Variants in FBXL13 observed in about 807,000 individuals in gnomAD.
The protein encoded by FBXL13 is F-box and leucine-rich repeat protein 13.
In FBXL13, 67 loss-of-function variants were observed where a neutral mutation model predicts 83.6. That is an observed-to-expected ratio of 0.80 (90% confidence interval 0.66 to 0.98). The LOEUF is 0.98. Among genes scored for constraint, FBXL13 ranks in the 50% least tolerant of loss-of-function variants. FBXL13 has a pLI of 0.00. For missense variants in FBXL13, 822 were observed against 866.5 expected, an observed-to-expected ratio of 0.95 and a Z score of 0.64; for synonymous variants, 272 against 299.5, an observed-to-expected ratio of 0.91 and a Z score of 0.95.
intron 5 of FBXL13, among the ~76,000 whole-genome samples, chr7:103,025,605 T>A (rs141956911): frequency 0.011 from 1,675 of 152,252 alleles, 35 homozygotes; most frequent in African/African-American, 0.039. Flanking sequence ...GGGAAGTCAG[T>A]AGTAATGCAT....
intron 8 of FBXL13, among the ~76,000 whole-genome samples, chr7:102,948,110 C>CAGGAGTGCAAT (rs1822821910): frequency 6.7e-6 from 1 of 150,366 alleles, no homozygotes. Context: ...GTCACCCAGG[C>CAGGAGTGCAAT]AGGAGTGCAA....
At chr7:103,027,286 A>G (rs965562510) in intron 5 of FBXL13, among the ~76,000 whole-genome samples, 163 bp downstream of exon 6, 6 of 152,140 alleles carry the variant, frequency 3.9e-5, no homozygotes, top group African/African-American at 1.4e-4. Flanking sequence ...ACAAGAGCAA[A>G]ACTCTGTCCC....
chr7:103,006,316 T>C (rs534794869), intron 6 of FBXL13, among the ~76,000 whole-genome samples: 18 of 152,330 alleles, frequency 1.2e-4, no homozygotes, highest in Admixed American at 6.5e-4. Context: ...AAGCTGTGTA[T>C]GCACAGAGTG....
intron 19 of FBXL13, among the ~76,000 whole-genome samples, chr7:102,817,636 T>C (rs1257938298): frequency 6.6e-6 from 1 of 152,198 alleles, no homozygotes; most frequent in African/African-American, 2.4e-5. Context: ...ATGTAGAAAC[T>C]ATATTTCTGG....
chr7:102,860,299 A>C (rs1384146806), intron 16 of FBXL13, among the ~76,000 whole-genome samples: 1 of 152,230 alleles, frequency 6.6e-6, no homozygotes, highest in Non-Finnish European at 1.5e-5. Context: ...CACAGCAGGG[A>C]ATGAATGCTT....
At chr7:102,985,773 G>T (rs1016792842) in intron 6 of FBXL13, among the ~76,000 whole-genome samples, 1 of 152,166 alleles carries the variant, frequency 6.6e-6, no homozygotes, top group Non-Finnish European at 1.5e-5. Flanking sequence ...ACAAGCTCAA[G>T]GATGGGCATT....
At chr7:103,043,553 C>T (rs1361110629) in intron 2 of FBXL13, among the ~76,000 whole-genome samples, 2 of 152,156 alleles carry the variant, frequency 1.3e-5, no homozygotes, top group East Asian at 1.9e-4. Flanking sequence ...CCTCCGTCGC[C>T]GAGGCCGGAG....
At chr7:102,859,511 G>T (rs1039297623) in intron 16 of FBXL13, among the ~76,000 whole-genome samples, 1 of 152,140 alleles carries the variant, frequency 6.6e-6, no homozygotes, top group Non-Finnish European at 1.5e-5. Flanking sequence ...AAATTAGGAG[G>T]TGTTCTCTGA....
At chr7:102,997,787 C>T (rs988499035) in intron 6 of FBXL13, among the ~76,000 whole-genome samples, 9 of 152,152 alleles carry the variant, frequency 5.9e-5, no homozygotes, top group African/African-American at 1.9e-4. Flanking sequence ...CCATTGGGTA[C>T]GTATACCACA....
At chr7:102,878,228 G>A in intron 15 of FBXL13, 103 bp downstream of exon 16, 2 of 1,016,378 alleles carry the variant, frequency 2.0e-6, no homozygotes, top group Non-Finnish European at 1.3e-6. Context: ...CATCTCTGAT[G>A]TTCCCCCAAA....
chr7:103,060,066 T>TATATATAAATATATAC (rs1797760296), intron 1 of FBXL13, among the ~76,000 whole-genome samples: 1 of 46,458 alleles, frequency 2.2e-5, no homozygotes, highest in Non-Finnish European at 4.6e-5. Context: ...ATATATATAC[T>TATATATAAATATATAC]TTTTTTTTTT....
At position 102,903,944 on chromosome 7, in the gene FBXL13, T is replaced by C. The variant is rs111959576; in HGVS notation, c.1008+9142A>G. On this transcript the variant is annotated intron_variant, in intron 11 of 19. Coordinates refer to ENST00000313221, the Ensembl canonical transcript of FBXL13. ...CTGTAGTTTTCTTTTCTTTTCTTTTTTTTTTTTTTTTTTTTTTTGCTGTAT... is the reference window on the plus strand; with the variant it reads ...CTGTAGTTTTCTTTTCTTTTCTTTTCTTTTTTTTTTTTTTTTTTGCTGTAT... 8.9e-3 allele frequency among the ~76,000 whole-genome samples: 424 copies of C among 47,726 alleles called. 1 individual carries two copies. The African/African-American group carries it at 0.098, about 11-fold the overall frequency. The allele number at this position is 47,726 out of a possible 152,430, so 31.3% of individuals were successfully genotyped here. A position where few individuals can be genotyped will look rare whatever the true frequency, so the allele number is the denominator to read the frequency against.
At chr7:102,821,946 G>T in intron 19 of FBXL13, 94 bp downstream of exon 20, 1 of 1,297,808 alleles carries the variant, frequency 7.7e-7, no homozygotes, top group African/African-American at 1.5e-5. Context: ...TCCTAACACT[G>T]AAAGCTGCTA....
At chr7:102,928,491 A>T (rs1818546581) in intron 9 of FBXL13, among the ~76,000 whole-genome samples, 1 of 152,194 alleles carries the variant, frequency 6.6e-6, no homozygotes, top group Non-Finnish European at 1.5e-5. Context: ...AAAGGGAAAA[A>T]CAATAGTAAA....
chr7:102,992,161 G>A lies in FBXL13; in HGVS notation c.496-24044C>T, dbSNP rs191483644. On this transcript the variant is annotated intron_variant, in intron 6 of 19. Transcript: ENST00000313221. ...GCAGGGGGAGGGTGAGGGAAGAACAGTGAAGGGAGAAAAAGAACAGCTTTA... is the reference window on the plus strand; with the variant it reads ...GCAGGGGGAGGGTGAGGGAAGAACAATGAAGGGAGAAAAAGAACAGCTTTA... Among the ~76,000 whole-genome samples the A allele has an allele frequency of 8.5e-5, 13 of 152,240 alleles. 1 individual carries two copies. The East Asian group carries it at 2.3e-3, about 27-fold the overall frequency.
chr7:102,870,576 G>A (rs368401988), intron 16 of FBXL13, among the ~76,000 whole-genome samples: 4 of 152,074 alleles, frequency 2.6e-5, no homozygotes, highest in Non-Finnish European at 5.9e-5. Context: ...GGAAGGAGTC[G>A]CAGACCCAGG....
At chr7:102,852,870 GAA>G (rs58786991) in intron 17 of FBXL13, among the ~76,000 whole-genome samples, 29,796 of 152,052 alleles carry the variant, frequency 0.2, 3,192 homozygotes, top group East Asian at 0.43. Context: ...GTCATTGTAC[GAA>G]AAAGATACTT....
At position 102,848,482 on chromosome 7, in the gene FBXL13, A is replaced by G. The variant is rs527769760; in HGVS notation, c.1719+6295T>C. Among the ~76,000 whole-genome samples the G allele has an allele frequency of 5.7e-5, 4 of 70,332 alleles. No individual in the cohort carries two copies. The East Asian group carries it at 1.9e-3, about 33-fold the overall frequency. The allele number at this position is 70,332 out of a possible 152,430, so 46.1% of individuals were successfully genotyped here. A position where few individuals can be genotyped will look rare whatever the true frequency, so the allele number is the denominator to read the frequency against. On this transcript the variant is annotated intron_variant, in intron 17 of 19. Transcript: ENST00000313221. ...GAGGCAGGAGAATGGCGTGAACCCA[A>G]GAGGCGGAGCTTGCAGTGAGCCGAG...
chr7:102,893,978 G>C (rs565662368), intron 11 of FBXL13, among the ~76,000 whole-genome samples: 2,012 of 120,666 alleles, frequency 0.017, 54 homozygotes, highest in African/African-American at 0.069. Flanking sequence ...AAGAAAGAAA[G>C]AAAGAGGAAA....
Sources: allele counts gnomAD v4.1 joint callset (sites outside exome capture counted in the v4.1 genomes callset), GRCh38; gene constraint gnomAD v4.1.1; transcripts MANE v1.5; gene names NCBI Gene and HGNC (gene_info 2026-07-23, HGNC 2026-07-21).